MYLK4: variants seen among roughly 807,000 people sequenced by gnomAD.
The protein encoded by MYLK4 is caMLCK like.
In MYLK4, 46 loss-of-function variants were observed where a neutral mutation model predicts 48.1. That is an observed-to-expected ratio of 0.96 (90% CI 0.75 to 1.22). The LOEUF is 1.22. MYLK4 is among the 50% of genes most tolerant of loss of function. The pLI, the probability that MYLK4 is intolerant of heterozygous loss-of-function variation, is 0.00. For missense variants in MYLK4, 451 were observed against 486.1 expected, an observed-to-expected ratio of 0.93 and a Z score of 0.68; for synonymous variants, 170 against 180.8, an observed-to-expected ratio of 0.94 and a Z score of 0.48.
At chr6:2,766,269 A>G in the MYLK4 span, 20 of 1,568,014 alleles carry the variant, frequency 1.3e-5, no homozygotes, top group South Asian at 2.4e-5. Context: ...CTGGCTGCCG[A>G]GGAGATCCGA....
intron 2 of MYLK4, among the ~76,000 whole-genome samples, chr6:2,712,432 A>G (rs1233733322): frequency 6.6e-6 from 1 of 152,210 alleles, no homozygotes; most frequent in African/African-American, 2.4e-5. Flanking sequence ...GAGAGCCAAC[A>G]GGCATTCAAA....
At chr6:2,678,477 T>A in intron 9 of MYLK4, 105 bp from the exon 10 acceptor site, 2 of 1,252,190 alleles carry the variant, frequency 1.6e-6, no homozygotes, top group Non-Finnish European at 2.2e-6. Flanking sequence ...AGAAGGAAAA[T>A]AACCTAATCC....
At chr6:2,682,336 A>G (rs1307014894) in intron 7 of MYLK4, among the ~76,000 whole-genome samples, 1 of 151,300 alleles carries the variant, frequency 6.6e-6, no homozygotes, top group Non-Finnish European at 1.5e-5. Flanking sequence ...TGTAACTAAG[A>G]CTACATACAG....
At chr6:2,745,198 A>T (rs1764039494) in intron 2 of MYLK4, among the ~76,000 whole-genome samples, 1 of 152,186 alleles carries the variant, frequency 6.6e-6, no homozygotes, top group Non-Finnish European at 1.5e-5. Context: ...CATTAAGCAA[A>T]GGGGTGTGGG....
At chr6:2,696,364 T>C (rs1278953111) in intron 2 of MYLK4, among the ~76,000 whole-genome samples, 2 of 152,220 alleles carry the variant, frequency 1.3e-5, no homozygotes, top group Non-Finnish European at 1.5e-5. Context: ...CACAAATTCA[T>C]ATATTAAAAT....
At chr6:2,743,259 T>C (rs187283799) in intron 2 of MYLK4, among the ~76,000 whole-genome samples, 12 of 152,322 alleles carry the variant, frequency 7.9e-5, no homozygotes, top group Admixed American at 7.8e-4. Flanking sequence ...CTGTTGTATA[T>C]TGTTTTAAAA....
upstream of MYLK4, among the ~76,000 whole-genome samples, chr6:2,754,341 G>T (rs1040140305): frequency 6.6e-6 from 1 of 152,004 alleles, no homozygotes; most frequent in Non-Finnish European, 1.5e-5. Flanking sequence ...GGAATACTAC[G>T]TAATTAAAAG....
At chr6:2,702,109 C>T (rs1325258143) in intron 2 of MYLK4, among the ~76,000 whole-genome samples, 1 of 152,200 alleles carries the variant, frequency 6.6e-6, no homozygotes, top group Non-Finnish European at 1.5e-5. Context: ...CTGTGTGGAA[C>T]ATCCGTGAGC....
chr6:2,763,301 T>C, the MYLK4 span, among the ~76,000 whole-genome samples: 148,941 of 152,356 alleles, frequency 0.98, 72,911 homozygotes, highest in East Asian at 1. Flanking sequence ...GGGGCTGCAG[T>C]ATAGAGTTGC....
the MYLK4 span, among the ~76,000 whole-genome samples, chr6:2,760,977 A>C: frequency 6.6e-6 from 1 of 152,212 alleles, no homozygotes; most frequent in Non-Finnish European, 1.5e-5. Flanking sequence ...ATGCTGACTA[A>C]AGATGGCAGG....
chr6:2,727,365 A>G (rs1229263306), intron 2 of MYLK4, among the ~76,000 whole-genome samples: 1 of 152,182 alleles, frequency 6.6e-6, no homozygotes, highest in African/African-American at 2.4e-5. Context: ...GAGCTGGAGG[A>G]ATGCCACGGA....
intron 2 of MYLK4, among the ~76,000 whole-genome samples, chr6:2,706,897 A>G (rs955745581): frequency 2.0e-5 from 3 of 152,232 alleles, no homozygotes; most frequent in African/African-American, 7.2e-5. Context: ...AATTATGGGT[A>G]TTCCAAGAAC....
chr6:2,669,969 C>T (rs12214362), intron 12 of MYLK4, among the ~76,000 whole-genome samples: 9,384 of 152,276 alleles, frequency 0.062, 316 homozygotes, highest in South Asian at 0.085. Flanking sequence ...TTCATTTCTA[C>T]CCCATCTTAT....
At chr6:2,708,094 C>T (rs1328815763) in intron 2 of MYLK4, among the ~76,000 whole-genome samples, 2 of 152,108 alleles carry the variant, frequency 1.3e-5, no homozygotes, top group Non-Finnish European at 2.9e-5. Context: ...TGGAAACACA[C>T]TTTCTCAAAA....
chr6:2,713,044 C>T (rs1433018051), intron 2 of MYLK4, among the ~76,000 whole-genome samples: 1 of 152,186 alleles, frequency 6.6e-6, no homozygotes, highest in Admixed American at 6.5e-5. Context: ...GGCCAAGATA[C>T]AGTGACACAT....
chr6:2,765,872 G>C, the MYLK4 span: 1 of 1,445,508 alleles, frequency 6.9e-7, no homozygotes, highest in Non-Finnish European at 9.1e-7. Context: ...GAAGCAGCCA[G>C]CCACCCCGAC....
intron 6 of MYLK4, among the ~76,000 whole-genome samples, chr6:2,683,405 G>GTGTGTGTGTGTGTGTGT (rs1761401492): frequency 9.0e-6 from 1 of 110,498 alleles, no homozygotes; most frequent in Non-Finnish European, 2.0e-5. Flanking sequence ...GTGTGTGTGT[G>GTGTGTGTGTGTGTGTGT]TGTGTGTGTG....
intron 3 of MYLK4, among the ~76,000 whole-genome samples, chr6:2,689,404 T>C (rs1761687828): frequency 6.6e-6 from 1 of 152,272 alleles, no homozygotes. Flanking sequence ...CTTCATGTTG[T>C]TGAAATGCTT....
chr6:2,764,491 T>A, the MYLK4 span, among the ~76,000 whole-genome samples: 9 of 152,214 alleles, frequency 5.9e-5, no homozygotes, highest in Non-Finnish European at 1.2e-4. Context: ...CTCCCTCAAT[T>A]CATTTACCTC....
Sources: allele counts gnomAD v4.1 joint callset (sites outside exome capture counted in the v4.1 genomes callset), GRCh38; gene constraint gnomAD v4.1.1; transcripts MANE v1.5; gene names NCBI Gene and HGNC (gene_info 2026-07-23, HGNC 2026-07-21).